The following B3GALT1 variants were observed in gnomAD, a reference collection of about 807,000 sequenced individuals.
B3GALT1 encodes UDP-Gal:betaGlcNAc beta 1,3-galactosyltransferase, polypeptide 1.
A neutral mutation model predicts 23.2 loss-of-function variants in B3GALT1; 10 were observed. The observed-to-expected ratio is 0.43, with a 90% CI of 0.27 to 0.73. The LOEUF (loss-of-function observed/expected upper bound fraction) is 0.73. Among genes scored for constraint, B3GALT1 ranks in the 30% least tolerant of loss-of-function variants. B3GALT1 has a pLI of 0.21. For synonymous variants in B3GALT1, 156 were observed against 141.5 expected (o/e 1.10, Z -0.73); for missense variants, 299 against 405.4 (o/e 0.74, Z 2.25).
At chr2:167,423,079 C>T (rs1030877483) in intron 1 of B3GALT1, among the ~76,000 whole-genome samples, 8 of 152,076 alleles carry the variant, frequency 5.3e-5, no homozygotes, top group African/African-American at 1.7e-4. Context: ...CATCAGAATC[C>T]ACAGAGCACC....
intron 2 of B3GALT1, among the ~76,000 whole-genome samples, chr2:167,597,122 T>TG (rs199874680): frequency 1.3e-4 from 20 of 148,194 alleles, no homozygotes; most frequent in Admixed American, 3.3e-4. Context: ...TTTTTGTTTT[T>TG]TTTTTTTTTT....
chr2:167,529,402 A>C (rs2105366700), intron 2 of B3GALT1, among the ~76,000 whole-genome samples: 1 of 151,858 alleles, frequency 6.6e-6, no homozygotes, highest in Middle Eastern at 3.4e-3. Flanking sequence ...CCAAACCTCT[A>C]CACTAGTGCC....
chr2:167,341,251 A>AG (rs148354386), intron 1 of B3GALT1, among the ~76,000 whole-genome samples: 2,507 of 152,350 alleles, frequency 0.016, 57 homozygotes, highest in East Asian at 0.083. Context: ...ACTTTATTCC[A>AG]GGCTTCAGTG....
intron 3 of B3GALT1, among the ~76,000 whole-genome samples, chr2:167,792,351 C>G (rs1688451947): frequency 6.6e-6 from 1 of 152,160 alleles, no homozygotes; most frequent in Admixed American, 6.5e-5. Context: ...GTCATGGCCC[C>G]TGGCTCCAAG....
chr2:167,677,098 G>T (rs1280590431), intron 3 of B3GALT1, among the ~76,000 whole-genome samples: 2 of 151,904 alleles, frequency 1.3e-5, no homozygotes, highest in Admixed American at 1.3e-4. Context: ...GGGGGTGTAG[G>T]TCAATTAATA....
At chr2:167,745,833 G>A (rs1318497618) in intron 3 of B3GALT1, among the ~76,000 whole-genome samples, 3 of 151,754 alleles carry the variant, frequency 2.0e-5, no homozygotes, top group Non-Finnish European at 4.4e-5. Flanking sequence ...ATCAGTTCTG[G>A]AAATTTTTCA....
rs1170151201 is a variant in B3GALT1, at chr2:167,464,159, ATT to A, written c.-510-26005_-510-26004del. 5.9e-3 allele frequency among the ~76,000 whole-genome samples: 878 copies of A among 149,584 alleles called. 8 individuals are homozygous for A. Among genetic ancestry groups the A allele is most frequent in the African/African-American group, 0.02 (841 of 41,090 alleles). On this transcript the variant is annotated intron_variant, in intron 1 of 4. Coordinates refer to ENST00000392690, the MANE Select transcript of B3GALT1 (RefSeq NM_020981.4). Reference sequence around the variant, plus strand: ...TGCTAAAAACCAAGAATCCTGTGCAATTTTTTTTTTTTTTAAAAAAGGATCTA... The same window carrying A: ...TGCTAAAAACCAAGAATCCTGTGCAATTTTTTTTTTTTAAAAAAGGATCTA...
intron 1 of B3GALT1, among the ~76,000 whole-genome samples, chr2:167,420,348 T>C (rs935830634): frequency 6.6e-6 from 1 of 152,154 alleles, no homozygotes; most frequent in Non-Finnish European, 1.5e-5. Flanking sequence ...CTTGGCAAAC[T>C]AACAAACGTA....
chr2:167,412,991 A>G (rs1460543925), intron 1 of B3GALT1, among the ~76,000 whole-genome samples: 1 of 152,142 alleles, frequency 6.6e-6, no homozygotes, highest in Non-Finnish European at 1.5e-5. Context: ...AATTCCATCT[A>G]TTGTGATAGA....
At chr2:167,332,624 A>G (rs1696991267) in intron 1 of B3GALT1, among the ~76,000 whole-genome samples, 1 of 152,184 alleles carries the variant, frequency 6.6e-6, no homozygotes, top group Admixed American at 6.5e-5. Context: ...ATCATACAGG[A>G]TGTACTTTCT....
intron 2 of B3GALT1, among the ~76,000 whole-genome samples, chr2:167,613,038 G>A (rs955378335): frequency 2.6e-5 from 4 of 151,894 alleles, no homozygotes; most frequent in African/African-American, 7.2e-5. Flanking sequence ...CCCCAAAAGA[G>A]GAGCAATGGG....
At chr2:167,495,411 G>A (rs1699770220) in intron 2 of B3GALT1, among the ~76,000 whole-genome samples, 1 of 137,896 alleles carries the variant, frequency 7.3e-6, no homozygotes, top group Non-Finnish European at 1.5e-5. Flanking sequence ...TCAGCTCACT[G>A]CAACCTCTGC....
chr2:167,743,532 T>C (rs140943762), intron 3 of B3GALT1, among the ~76,000 whole-genome samples: 12 of 152,266 alleles, frequency 7.9e-5, no homozygotes, highest in African/African-American at 2.9e-4. Context: ...TGTCTGTTTT[T>C]ATCTTTTGCC....
At chr2:167,381,725 A>T (rs1243988224) in intron 1 of B3GALT1, among the ~76,000 whole-genome samples, 1 of 152,264 alleles carries the variant, frequency 6.6e-6, no homozygotes, top group Non-Finnish European at 1.5e-5. Context: ...AAGATATGTT[A>T]GTTATTATAC....
chr2:167,696,804 G>A (rs1031760249), intron 3 of B3GALT1, among the ~76,000 whole-genome samples: 8 of 152,100 alleles, frequency 5.3e-5, no homozygotes, highest in Non-Finnish European at 7.4e-5. Flanking sequence ...AAGAAGACTC[G>A]TCCATCTCTT....
chr2:167,782,092 A>G (rs562950243), intron 3 of B3GALT1, among the ~76,000 whole-genome samples: 1 of 152,314 alleles, frequency 6.6e-6, no homozygotes, highest in Non-Finnish European at 1.5e-5. Context: ...ATAAGAGACC[A>G]GAAATTGTAA....
intron 1 of B3GALT1, among the ~76,000 whole-genome samples, chr2:167,448,648 T>C (rs1451096365): frequency 2.6e-5 from 4 of 152,212 alleles, no homozygotes; most frequent in Non-Finnish European, 5.9e-5. Context: ...TTTTTGTTTT[T>C]GTTGTATTTG....
chr2:167,858,282 T>G (rs1366928337), intron 4 of B3GALT1, among the ~76,000 whole-genome samples: 2 of 151,532 alleles, frequency 1.3e-5, no homozygotes, highest in African/African-American at 2.4e-5. Flanking sequence ...ATTGAAAGCT[T>G]CTTATGAAAA....
intron 1 of B3GALT1, among the ~76,000 whole-genome samples, chr2:167,477,261 A>G (rs1574095597): frequency 6.6e-6 from 1 of 152,308 alleles, no homozygotes; most frequent in South Asian, 2.1e-4. Flanking sequence ...GTTGGCAAGT[A>G]GAGCTGGAGG....
Sources: allele counts gnomAD v4.1 joint callset (sites outside exome capture counted in the v4.1 genomes callset), GRCh38; gene constraint gnomAD v4.1.1; transcripts MANE v1.5; gene names NCBI Gene and HGNC (gene_info 2026-07-23, HGNC 2026-07-21).